ATP6V1E1: variants seen among roughly 807,000 people sequenced by gnomAD.
The protein encoded by ATP6V1E1 is ATPase H+ transporting V1 subunit E1, also known as V-type proton ATPase subunit E 1.
ATP6V1E1 carries 21 observed loss-of-function variants against 35.2 expected under a neutral mutation model. The ratio of observed to expected loss-of-function variants is 0.60; its 90% CI spans 0.42 to 0.86. The LOEUF is 0.86. Among genes scored for constraint, ATP6V1E1 ranks in the 40% least tolerant of loss-of-function variants. The probability of loss-of-function intolerance (pLI) is 0.00; values close to 1 mark genes in which losing one functional copy is unlikely to be tolerated. For synonymous variants in ATP6V1E1, 83 were observed against 87.8 expected (o/e 0.95, Z 0.30); for missense variants, 183 against 272.6 (o/e 0.67, Z 2.32).
chr22:17,605,691 CTCT>C (rs1353791813), intron 4 of ATP6V1E1, among the ~76,000 whole-genome samples: 4 of 81,146 alleles, frequency 4.9e-5, no homozygotes, highest in African/African-American at 1.5e-4. Flanking sequence ...GTAGATGTTT[CTCT>C]TTTTTTTTTT....
intron 4 of ATP6V1E1, among the ~76,000 whole-genome samples, chr22:17,605,701 T>C (rs2057783587): frequency 6.8e-6 from 1 of 147,346 alleles, no homozygotes; most frequent in Non-Finnish European, 1.5e-5. Context: ...CTCTTTTTTT[T>C]TTTTTTTTTT....
At chr22:17,619,618 G>T in intron 1 of ATP6V1E1, 92 bp from the exon 2 acceptor site, 4 of 1,105,390 alleles carry the variant, frequency 3.6e-6, no homozygotes, top group Non-Finnish European at 5.2e-6. Flanking sequence ...AGGTGCAGTG[G>T]CTCACGCCCG....
chr22:17,621,170 A>G lies in ATP6V1E1; in HGVS notation c.34-1644T>C, dbSNP rs182413263. Reference sequence around the variant, plus strand: ...GCTAAACTACTACAACAGCTTCCAAATTTGTCTTCCTGCCGCTATTCTTGT... The same window carrying G: ...GCTAAACTACTACAACAGCTTCCAAGTTTGTCTTCCTGCCGCTATTCTTGT... On this transcript the variant is annotated intron_variant, in intron 1 of 8. Coordinates refer to ENST00000253413, the MANE Select transcript of ATP6V1E1 (RefSeq NM_001696.4). Among the ~76,000 whole-genome samples the G allele has an allele frequency of 3.6e-3, 543 of 151,868 alleles. 3 individuals are homozygous for G. Among genetic ancestry groups the G allele is most frequent in the African/African-American group, 0.012 (485 of 41,500 alleles).
intron 2 of ATP6V1E1, 33 bp from the exon 3 acceptor site, chr22:17,613,353 C>T (rs2057824839): frequency 1.3e-6 from 2 of 1,578,610 alleles, no homozygotes; most frequent in African/African-American, 1.3e-5. Context: ...TAATTCATTA[C>T]ATCAAGTTTT....
At chr22:17,598,044 AG>A in intron 7 of ATP6V1E1, 149 bp downstream of exon 7, 2 of 649,656 alleles carry the variant, frequency 3.1e-6, no homozygotes, top group Non-Finnish European at 5.4e-6. Flanking sequence ...CGAGAACAAC[AG>A]GAACGGCTGC....
chr22:17,615,029 G>A lies in ATP6V1E1; in HGVS notation c.100-1709C>T, dbSNP rs905069787. Reference sequence around the variant, plus strand: ...TAAAAATATAAATTATGGGCTGGGCGCCATGGCTCACGCCTATAATCTCAG... The same window carrying A: ...TAAAAATATAAATTATGGGCTGGGCACCATGGCTCACGCCTATAATCTCAG... On this transcript the variant is annotated intron_variant, in intron 2 of 8. Coordinates refer to ENST00000253413, the MANE Select transcript of ATP6V1E1 (RefSeq NM_001696.4). Among the ~76,000 whole-genome samples, 4 of 151,490 alleles carry A rather than the reference G, an allele frequency of 2.6e-5. No homozygotes were observed. The East Asian group carries it at 7.8e-4, about 30-fold the overall frequency.
At chr22:17,609,105 A>C (rs2057801015) in intron 4 of ATP6V1E1, among the ~76,000 whole-genome samples, 1 of 104,710 alleles carries the variant, frequency 9.6e-6, no homozygotes, top group African/African-American at 5.0e-5. Flanking sequence ...AAAACAAAAC[A>C]AAACAAAACA....
At chr22:17,603,743 C>CA (rs1347730727) in intron 4 of ATP6V1E1, among the ~76,000 whole-genome samples, 1 of 152,064 alleles carries the variant, frequency 6.6e-6, no homozygotes, top group Non-Finnish European at 1.5e-5. Flanking sequence ...ATCTGAAATC[C>CA]AAAAAACTTC....
intron 1 of ATP6V1E1, among the ~76,000 whole-genome samples, chr22:17,627,258 G>C (rs1471878037): frequency 1.3e-5 from 2 of 151,782 alleles, no homozygotes; most frequent in Non-Finnish European, 2.9e-5. Context: ...CTCCCGAGTA[G>C]CTGGGACTAC....
chr22:17,615,328 A>C (rs558834946), intron 2 of ATP6V1E1, among the ~76,000 whole-genome samples: 1 of 151,938 alleles, frequency 6.6e-6, no homozygotes, highest in East Asian at 1.9e-4. Flanking sequence ...TTTATACATA[A>C]ATTTTATTAT....
At chr22:17,604,218 AC>A (rs1415913355) in intron 4 of ATP6V1E1, among the ~76,000 whole-genome samples, 1 of 152,120 alleles carries the variant, frequency 6.6e-6, no homozygotes, top group African/African-American at 2.4e-5. Context: ...TCCCAGTGAC[AC>A]CCTCTGGTGT....
In ATP6V1E1 at chr22:17,604,836, T is replaced by G. The variant is rs141128801; in HGVS notation, c.277-3655A>C. ...CCGGCCAAAGACATTTATTTCTATT[T>G]CATCTCTAACCACAGCAATAGAAAT... is the stretch of plus-strand genomic sequence containing the variant. On this transcript the variant is annotated intron_variant, in intron 4 of 8. Coordinates refer to ENST00000253413, the MANE Select transcript of ATP6V1E1 (RefSeq NM_001696.4). Among the ~76,000 whole-genome samples, 400 of 152,240 alleles carry G rather than the reference T, an allele frequency of 2.6e-3. 2 individuals carry two copies. Among genetic ancestry groups the G allele is most frequent in the African/African-American group, 8.8e-3 (367 of 41,556 alleles).
chr22:17,612,939 G>C (rs562060523), intron 3 of ATP6V1E1, 61 bp from the exon 4 acceptor site: 1 of 1,476,652 alleles, frequency 6.8e-7, no homozygotes, highest in African/African-American at 1.4e-5. Context: ...GAAAGAATTC[G>C]AACTCCTGGG....
intron 1 of ATP6V1E1, among the ~76,000 whole-genome samples, chr22:17,626,681 C>T (rs556975093): frequency 6.6e-6 from 1 of 152,106 alleles, no homozygotes; most frequent in African/African-American, 2.4e-5. Flanking sequence ...CAGGCATATG[C>T]CAGCACGCCC....
chr22:17,601,489 C>A (rs1296450349), intron 4 of ATP6V1E1, among the ~76,000 whole-genome samples: 1 of 152,056 alleles, frequency 6.6e-6, no homozygotes. Flanking sequence ...GAAAAGCAAG[C>A]TATTAAACGG....
intron 5 of ATP6V1E1, chr22:17,600,554 A>G (rs2057757339): frequency 6.4e-6 from 1 of 156,176 alleles, no homozygotes; most frequent in African/African-American, 2.4e-5. Context: ...CATATATCAC[A>G]TAAGACCATG....
intron 1 of ATP6V1E1, 114 bp downstream of exon 1, chr22:17,628,489 G>T: frequency 7.0e-7 from 1 of 1,422,646 alleles, no homozygotes; most frequent in Non-Finnish European, 9.9e-7. Flanking sequence ...TTGGAGCAAG[G>T]GACCTTCCTG....
At chr22:17,608,853 G>A (rs999312891) in intron 4 of ATP6V1E1, among the ~76,000 whole-genome samples, 28 of 152,300 alleles carry the variant, frequency 1.8e-4, no homozygotes, top group South Asian at 1.2e-3. Context: ...TTGGGAGGCC[G>A]AGGCGGGCAG....
At chr22:17,624,005 T>A (rs2057891180) in intron 1 of ATP6V1E1, among the ~76,000 whole-genome samples, 1 of 152,180 alleles carries the variant, frequency 6.6e-6, no homozygotes. Flanking sequence ...TAATTAAGGT[T>A]TTTAGAGTCA....
Sources: allele counts gnomAD v4.1 joint callset (sites outside exome capture counted in the v4.1 genomes callset), GRCh38; gene constraint gnomAD v4.1.1; transcripts MANE v1.5; gene names NCBI Gene and HGNC (gene_info 2026-07-23, HGNC 2026-07-21).